The following PACRG variants were observed in gnomAD, a reference collection of about 807,000 sequenced individuals.
PACRG encodes parkin coregulated, also known as parkin coregulated gene protein.
In PACRG, 29 loss-of-function variants were observed where a neutral mutation model predicts 29.7. The observed-to-expected ratio is 0.98, with a 90% CI of 0.73 to 1.33. The LOEUF is 1.33. PACRG is among the 40% of genes most tolerant of loss of function. PACRG has a pLI of 0.00. For synonymous variants in PACRG, 116 were observed against 118.7 expected, an observed-to-expected ratio of 0.98 and a Z score of 0.15; for missense variants, 279 against 316.2, an observed-to-expected ratio of 0.88 and a Z score of 0.89.
At chr6:162,779,993 A>C (rs1783968807) in intron 1 of PACRG, among the ~76,000 whole-genome samples, 1 of 152,220 alleles carries the variant, frequency 6.6e-6, no homozygotes, top group African/African-American at 2.4e-5. Context: ...TGAAGCTTAG[A>C]ATTCAAGGAA....
chr6:163,108,559 A>ATT lies in PACRG; in HGVS notation c.613+19160_613+19161dup, dbSNP rs34079912. 4.8e-4 allele frequency among the ~76,000 whole-genome samples: 71 copies of ATT among 148,790 alleles called. No individual in the cohort carries two copies. In the South Asian group the frequency reaches 5.6e-3, roughly 12 times the overall value. On this transcript the variant is annotated intron_variant, in intron 4 of 4. Coordinates refer to ENST00000366888, the MANE Select transcript of PACRG (RefSeq NM_001080379.2). Reference sequence around the variant, plus strand: ...AGGCATGTGCCACCACACCCAGCTAATTTTTTTTTTGTCTTTTTAGTAGAC... The same window carrying ATT: ...AGGCATGTGCCACCACACCCAGCTAATTTTTTTTTTTTGTCTTTTTAGTAGAC...
chr6:162,838,391 C>T (rs965000325), intron 2 of PACRG, among the ~76,000 whole-genome samples: 4 of 152,016 alleles, frequency 2.6e-5, no homozygotes, highest in Non-Finnish European at 5.9e-5. Context: ...TTATGAGGGA[C>T]GTTTATGGTC....
At chr6:163,174,257 A>G (rs1194372342) in intron 4 of PACRG, among the ~76,000 whole-genome samples, 2 of 152,216 alleles carry the variant, frequency 1.3e-5, no homozygotes, top group African/African-American at 4.8e-5. Flanking sequence ...ATGTTTTAAG[A>G]AAGTTTATGA....
At chr6:163,214,955 A>G (rs1206494409) in intron 4 of PACRG, among the ~76,000 whole-genome samples, 3 of 152,198 alleles carry the variant, frequency 2.0e-5, no homozygotes, top group Non-Finnish European at 4.4e-5. Flanking sequence ...TAACATCAGA[A>G]ATGAAGGTTG....
chr6:162,851,160 T>G lies in PACRG; in HGVS notation c.291+36879T>G, dbSNP rs546139525. Among the ~76,000 whole-genome samples the G allele has an allele frequency of 3.3e-5, 5 of 152,344 alleles. No individual in the cohort carries two copies. In the South Asian group the frequency reaches 8.3e-4, roughly 25 times the overall value. On this transcript the variant is annotated intron_variant, in intron 2 of 4. Transcript: ENST00000366888. ...ATAGATCCCCACCTGCCACTGAACC[T>G]CCTGGTGAGCACGTGTCCAGCTGCG...
intron 1 of PACRG, among the ~76,000 whole-genome samples, chr6:162,778,421 C>T (rs1047149396): frequency 2.0e-5 from 3 of 152,118 alleles, no homozygotes; most frequent in South Asian, 4.1e-4. Flanking sequence ...TTAACAAACA[C>T]GTTTAAAGCA....
intron 2 of PACRG, among the ~76,000 whole-genome samples, chr6:163,002,899 G>T (rs912509656): frequency 1.3e-5 from 2 of 152,134 alleles, no homozygotes; most frequent in African/African-American, 4.8e-5. Flanking sequence ...GTCCTCAGAT[G>T]TGTTTGATAA....
intron 2 of PACRG, among the ~76,000 whole-genome samples, chr6:162,816,405 C>T (rs1339575027): frequency 2.6e-5 from 4 of 152,148 alleles, no homozygotes; most frequent in East Asian, 3.9e-4. Flanking sequence ...CAGGCTAGAG[C>T]GCAGTGACAC....
intron 2 of PACRG, among the ~76,000 whole-genome samples, chr6:163,058,576 T>TA (rs948746044): frequency 2.5e-4 from 36 of 145,926 alleles, no homozygotes; most frequent in Middle Eastern, 3.6e-3. Flanking sequence ...TGATCTCTAA[T>TA]AAAAAAAAAA....
At chr6:163,301,889 G>A (rs1785016671) in intron 4 of PACRG, among the ~76,000 whole-genome samples, 1 of 152,178 alleles carries the variant, frequency 6.6e-6, no homozygotes, top group South Asian at 2.1e-4. Flanking sequence ...CTGTTTCAGT[G>A]GAGCTGGGAT....
At chr6:162,997,460 T>C (rs779683748) in intron 2 of PACRG, 1 of 452,136 alleles carries the variant, frequency 2.2e-6, no homozygotes, top group Non-Finnish European at 4.4e-6. Context: ...AAGTAACAGA[T>C]GAAAACTACT....
intron 4 of PACRG, among the ~76,000 whole-genome samples, chr6:163,188,446 G>C (rs541942098): frequency 3.0e-4 from 45 of 152,272 alleles, no homozygotes; most frequent in African/African-American, 9.6e-4. Context: ...TTAGAGGTGA[G>C]CTTGTTAAAA....
chr6:163,255,275 C>T (rs1783061902), intron 4 of PACRG, among the ~76,000 whole-genome samples: 1 of 152,182 alleles, frequency 6.6e-6, no homozygotes, highest in South Asian at 2.1e-4. Flanking sequence ...TCCCCAAGCC[C>T]AGGACCAGCC....
At chr6:162,797,852 C>T (rs1785512078) in intron 1 of PACRG, among the ~76,000 whole-genome samples, 1 of 152,060 alleles carries the variant, frequency 6.6e-6, no homozygotes, top group African/African-American at 2.4e-5. Context: ...CTTATTTCTA[C>T]TTGCTTTCCG....
At chr6:162,865,879 A>G (rs1792255318) in intron 2 of PACRG, among the ~76,000 whole-genome samples, 1 of 152,156 alleles carries the variant, frequency 6.6e-6, no homozygotes, top group Admixed American at 6.5e-5. Flanking sequence ...ATCAGCCTCC[A>G]AGGTTAGTGC....
At chr6:162,760,614 G>A (rs556470292) in intron 1 of PACRG, among the ~76,000 whole-genome samples, 5 of 152,286 alleles carry the variant, frequency 3.3e-5, no homozygotes, top group South Asian at 4.1e-4. Flanking sequence ...GGAACCACAC[G>A]GAGGTCAGTG....
intron 4 of PACRG, among the ~76,000 whole-genome samples, chr6:163,215,841 A>G (rs1286951516): frequency 6.6e-6 from 1 of 152,244 alleles, no homozygotes; most frequent in African/African-American, 2.4e-5. Context: ...TGCTTCAGAA[A>G]GGACAAATAG....
At chr6:162,904,163 C>A (rs2128063168) in intron 2 of PACRG, among the ~76,000 whole-genome samples, 1 of 152,304 alleles carries the variant, frequency 6.6e-6, no homozygotes, top group East Asian at 1.9e-4. Flanking sequence ...CCAGATGAGG[C>A]TATATAGGGA....
chr6:163,062,574 T>A (rs556668530), intron 3 of PACRG, among the ~76,000 whole-genome samples: 1 of 152,314 alleles, frequency 6.6e-6, no homozygotes, highest in South Asian at 2.1e-4. Context: ...CTCACAGTAA[T>A]GACATAAGCA....
Sources: allele counts gnomAD v4.1 joint callset (sites outside exome capture counted in the v4.1 genomes callset), GRCh38; gene constraint gnomAD v4.1.1; transcripts MANE v1.5; gene names NCBI Gene and HGNC (gene_info 2026-07-23, HGNC 2026-07-21).